The following FNDC7 variants were observed in gnomAD, a reference collection of about 807,000 sequenced individuals.
FNDC7 encodes the protein fibronectin type III domain containing 7, also known as fibronectin type III domain-containing protein 7.
FNDC7 carries 66 observed loss-of-function variants against 74.2 expected under a neutral mutation model. The ratio of observed to expected loss-of-function variants is 0.89; its 90% CI spans 0.73 to 1.09. FNDC7 has a LOEUF of 1.09. FNDC7 is among the 50% of genes least tolerant of loss of function. The pLI, the probability that FNDC7 is intolerant of heterozygous loss-of-function variation, is 0.00. For missense variants in FNDC7, 829 were observed against 893.4 expected, an observed-to-expected ratio of 0.93 and a Z score of 0.92; for synonymous variants, 307 against 330.2, an observed-to-expected ratio of 0.93 and a Z score of 0.76.
chr1:108,724,806 C>A (rs866097947), intron 5 of FNDC7, among the ~76,000 whole-genome samples: 1 of 151,224 alleles, frequency 6.6e-6, no homozygotes, highest in African/African-American at 2.4e-5. Context: ...TTAGGCTGGG[C>A]GCATTGGCTC....
chr1:108,721,642 T>C (rs1661094722), intron 4 of FNDC7, among the ~76,000 whole-genome samples: 1 of 152,180 alleles, frequency 6.6e-6, no homozygotes, highest in South Asian at 2.1e-4. Flanking sequence ...CCAGGACACC[T>C]TCTTACGCTT....
intron 3 of FNDC7, 123 bp downstream of exon 3, chr1:108,718,154 A>C (rs1290771715): frequency 7.1e-6 from 9 of 1,274,086 alleles, no homozygotes; most frequent in Non-Finnish European, 8.6e-6. Flanking sequence ...AAGGCCCAGA[A>C]GTGAAAGCTA....
intron 11 of FNDC7, among the ~76,000 whole-genome samples, chr1:108,739,031 T>C (rs1252401622): frequency 6.6e-6 from 1 of 152,092 alleles, no homozygotes; most frequent in Non-Finnish European, 1.5e-5. Flanking sequence ...AGAAGTGTCC[T>C]AGGTCCCCAG....
At chr1:108,717,732 C>T in intron 2 of FNDC7, 45 bp from the exon 3 acceptor site, 1 of 1,534,854 alleles carries the variant, frequency 6.5e-7, no homozygotes, top group Non-Finnish European at 8.8e-7. Flanking sequence ...AGAAGTCATC[C>T]TCGTAGGTAT....
chr1:108,722,694 A>ATGAAAT, intron 5 of FNDC7, 102 bp downstream of exon 5: 1 of 1,293,874 alleles, frequency 7.7e-7, no homozygotes, highest in Non-Finnish European at 1.0e-6. Flanking sequence ...AAAAATGAAA[A>ATGAAAT]TGAAAGCCTG....
intron 6 of FNDC7, 59 bp downstream of exon 6, chr1:108,726,063 A>G: frequency 4.4e-6 from 7 of 1,582,214 alleles, no homozygotes; most frequent in Middle Eastern, 1.8e-4. Flanking sequence ...CAGCAGCAGA[A>G]TGGATCACCT....
Position 108,730,827 on chromosome 1 carries a change from T to A in FNDC7, c.1778T>A (p.Leu593His). Residue 593 changes from leucine (L) to histidine (H), a missense_variant, in exon 9 of 13, where the codon CTC becomes CAC. By Grantham distance (99) the Leu-to-His change is moderately conservative. Coordinates refer to ENST00000370017, the MANE Select transcript of FNDC7 (RefSeq NM_001144937.3). ...SKCHTHQNHC[L>H]LGCITCGINY... Reference sequence around the variant, plus strand: ...TGTCACACTCATCAAAACCACTGCCTCCTAGGATGCATCACATGTGGCATC... The same window carrying A: ...TGTCACACTCATCAAAACCACTGCCACCTAGGATGCATCACATGTGGCATC... 1 of 1,613,972 alleles carries A rather than the reference T, an allele frequency of 6.2e-7. No individual in the cohort carries two copies. The highest frequency in any genetic ancestry group is 1.1e-5 in the South Asian group (1 of 91,076).
chr1:108,740,241 G>A (rs1041953372), intron 11 of FNDC7, among the ~76,000 whole-genome samples: 1 of 151,832 alleles, frequency 6.6e-6, no homozygotes, highest in Admixed American at 6.6e-5. Context: ...ATGCTGAGGG[G>A]AGCCATGGGA....
At position 108,727,834 on chromosome 1, in the gene FNDC7, C is replaced by G. The variant is rs751624112; in HGVS notation, c.1138C>G (p.Pro380Ala). 10 of 1,613,980 alleles carry G rather than the reference C, an allele frequency of 6.2e-6. No individual in the cohort carries two copies. In the African/African-American group the frequency reaches 1.1e-4, roughly 17 times the overall value. Residue 380 changes from proline (P) to alanine (A), a missense_variant, in exon 7 of 13, where the codon CCC (proline) becomes GCC (alanine). By Grantham distance (27) the Pro-to-Ala change is conservative. Coordinates refer to ENST00000370017, the MANE Select transcript of FNDC7 (RefSeq NM_001144937.3). ...TCCCTGTTGTCCTAGTGACATTAAC[C>G]CCGTGTTGGTGTCCAGTGACAGAGT... ...TAPCCPSDINPVLVSSDRVEI... is the reference protein window; with the variant it reads ...TAPCCPSDINAVLVSSDRVEI...
At chr1:108,729,872 A>G (rs1462844268) in intron 8 of FNDC7, among the ~76,000 whole-genome samples, 2 of 152,236 alleles carry the variant, frequency 1.3e-5, no homozygotes, top group African/African-American at 4.8e-5. Flanking sequence ...AATACTGCAT[A>G]CGTGAAGATG....
At chr1:108,728,173 A>G (rs994925327) in intron 7 of FNDC7, 108 bp downstream of exon 7, 4 of 1,378,392 alleles carry the variant, frequency 2.9e-6, no homozygotes, top group Non-Finnish European at 4.0e-6. Context: ...AATCCCATTA[A>G]TCAATCTTTG....
At position 108,728,698 on chromosome 1, in the gene FNDC7, G is replaced by T; in HGVS notation, c.1436G>T (p.Arg479Leu). The change falls in exon 8 of 13, where the codon CGA becomes CTA. Residue 479 changes from arginine (R) to leucine (L), a missense_variant. Arg to Leu is a moderately radical substitution (Grantham distance 102). Coordinates refer to ENST00000370017, the MANE Select transcript of FNDC7 (RefSeq NM_001144937.3). ...DAFSMINVHW[R>L]STNDDATYTV... is the part of the protein sequence containing the mutation. ...TTCTCCATGATTAATGTGCACTGGC[G>T]ATCCACTAATGATGATGCTACTTAC... 6.2e-7 allele frequency: 1 copy of T among 1,614,206 alleles called. No individual in the cohort carries two copies. Among genetic ancestry groups the T allele is most frequent in the Non-Finnish European group, 8.5e-7 (1 of 1,180,026 alleles).
rs141577570 is a variant in FNDC7, at chr1:108,729,391, C to T, written c.1624+505C>T. ...GGTGAAACCCTGTCTCTACTGAAAA[C>T]ACAAAAAATTAGCTAGGCGGGGTGG... is the stretch of plus-strand genomic sequence containing the variant. On this transcript the variant is annotated intron_variant, in intron 8 of 12. Transcript: ENST00000370017. Among the ~76,000 whole-genome samples, 378 of 152,174 alleles carry T rather than the reference C, an allele frequency of 2.5e-3. 5 individuals are homozygous for T. The highest frequency in any genetic ancestry group is 8.5e-3 in the African/African-American group (353 of 41,518).
intron 5 of FNDC7, among the ~76,000 whole-genome samples, chr1:108,724,029 G>A (rs1661151366): frequency 6.6e-6 from 1 of 152,224 alleles, no homozygotes; most frequent in Non-Finnish European, 1.5e-5. Flanking sequence ...ACAAACTACG[G>A]TGTGTCTCCT....
At chr1:108,727,297 C>T (rs1478368028) in intron 6 of FNDC7, among the ~76,000 whole-genome samples, 2 of 152,156 alleles carry the variant, frequency 1.3e-5, no homozygotes, top group Admixed American at 6.5e-5. Context: ...TGCACTCCAG[C>T]CTGGGTGGCA....
intron 4 of FNDC7, among the ~76,000 whole-genome samples, chr1:108,721,177 G>C (rs976190539): frequency 8.5e-5 from 13 of 152,140 alleles, no homozygotes; most frequent in Admixed American, 2.6e-4. Flanking sequence ...TGTCCTCAAA[G>C]AGGCCTTCCC....
intron 4 of FNDC7, among the ~76,000 whole-genome samples, chr1:108,720,616 G>A (rs943475204): frequency 1.6e-4 from 24 of 152,312 alleles, no homozygotes; most frequent in African/African-American, 5.3e-4. Flanking sequence ...TGGAGGCTAC[G>A]AAGTCTGAAA....
chr1:108,730,994 TTCC>T, intron 9 of FNDC7, 66 bp downstream of exon 9: 1 of 1,456,196 alleles, frequency 6.9e-7, no homozygotes, highest in Non-Finnish European at 9.1e-7. Context: ...GCATGAGCCT[TTCC>T]TCCTCATTTA....
intron 10 of FNDC7, among the ~76,000 whole-genome samples, chr1:108,735,337 C>T (rs893761087): frequency 6.6e-6 from 1 of 152,138 alleles, no homozygotes; most frequent in Non-Finnish European, 1.5e-5. Flanking sequence ...GTAATGCTAC[C>T]AGAGTTATCA....
Sources: gnomAD v4.1 joint callset for allele counts (sites outside exome capture counted in the v4.1 genomes callset) on GRCh38, gnomAD v4.1.1 for gene constraint, MANE v1.5 for transcripts, NCBI Gene and HGNC (gene_info 2026-07-23, HGNC 2026-07-21) for gene names.